The following DAPK1 variants were observed in gnomAD, a reference collection of about 807,000 sequenced individuals.
DAPK1 encodes death-associated protein kinase 1.
In DAPK1, 56 loss-of-function variants were observed where a neutral mutation model predicts 144.9. The observed-to-expected ratio is 0.39, with a 90% CI of 0.31 to 0.48. The LOEUF is 0.48. Ranked by LOEUF, DAPK1 falls within the 20% of genes least tolerant of loss-of-function variation. The pLI, the probability that DAPK1 is intolerant of heterozygous loss-of-function variation, is 0.95. For synonymous variants in DAPK1, 690 were observed against 749.0 expected (o/e 0.92, Z 1.29); for missense variants, 1,454 against 1,875.4 (o/e 0.78, Z 4.15).
chr9:87,680,653 G>GCA (rs35117625), intron 19 of DAPK1, among the ~76,000 whole-genome samples: 54,690 of 150,466 alleles, frequency 0.36, 10,786 homozygotes, highest in Middle Eastern at 0.59. Flanking sequence ...ACACACACAC[G>GCA]CGCACACACA....
intron 7 of DAPK1, 82 bp from the exon 8 acceptor site, chr9:87,640,216 C>T: frequency 7.6e-7 from 1 of 1,320,630 alleles, no homozygotes; most frequent in Admixed American, 2.2e-5. Flanking sequence ...AATCTTATTC[C>T]ACACTCCAGA....
intron 3 of DAPK1, among the ~76,000 whole-genome samples, chr9:87,630,871 A>G (rs1279781953): frequency 6.6e-6 from 1 of 152,202 alleles, no homozygotes; most frequent in Non-Finnish European, 1.5e-5. Flanking sequence ...GGAAGTAGGT[A>G]CCAGGAAATT....
Position 87,650,635 on chromosome 9 carries a change from T to C in DAPK1, c.1626+517T>C, listed in dbSNP as rs75721775. ...AAAACAAGCCTGTGATGTTGCTATA[T>C]ACGGTTAGATTTGGGATTCTGTAGT... On this transcript the variant is annotated intron_variant, in intron 16 of 25. Transcript: ENST00000408954. 19 of 169,672 alleles carry C rather than the reference T, an allele frequency of 1.1e-4. No homozygotes were observed. In the East Asian group the frequency reaches 3.3e-3, roughly 29 times the overall value. 10.5% of individuals were successfully genotyped at this position (169,672 alleles called of 1,614,324 possible).
chr9:87,542,881 T>C (rs1826104313), intron 2 of DAPK1, among the ~76,000 whole-genome samples: 1 of 152,208 alleles, frequency 6.6e-6, no homozygotes, highest in Non-Finnish European at 1.5e-5. Context: ...AGGACAGAGT[T>C]CATGGACATG....
In DAPK1 at chr9:87,498,105, C is replaced by G. The variant is rs1824246478; in HGVS notation, c.-111C>G. The stretch of plus-strand genomic sequence containing the variant: ...GGGACCGGGGGAGCTCCCAGGCGCC[C>G]GGGTGAGTAGCCAGGCGCGGCTCCC... On this transcript the variant is annotated splice_region_variant and 5_prime_UTR_variant, in exon 1 of 26. Transcript: ENST00000408954. The G allele has an allele frequency of 2.5e-6, 1 of 397,512 alleles. No individual in the cohort carries two copies. Among genetic ancestry groups the G allele is most frequent in the African/African-American group, 2.1e-5 (1 of 48,608 alleles). The allele number at this position is 397,512 out of a possible 1,614,324, so 24.6% of individuals were successfully genotyped here. A position where few individuals can be genotyped will look rare whatever the true frequency, so the allele number is the denominator to read the frequency against.
At chr9:87,517,636 C>T (rs530713336) in intron 2 of DAPK1, among the ~76,000 whole-genome samples, 66 of 152,282 alleles carry the variant, frequency 4.3e-4, no homozygotes, top group African/African-American at 1.5e-3. Flanking sequence ...TAAAGGTAAA[C>T]TGAGGAATTG....
chr9:87,503,833 T>G (rs1390812542), intron 2 of DAPK1, among the ~76,000 whole-genome samples: 1 of 152,216 alleles, frequency 6.6e-6, no homozygotes, highest in East Asian at 1.9e-4. Context: ...ACAAGATCAG[T>G]TTTAAACAAA....
intron 8 of DAPK1, 133 bp downstream of exon 8, chr9:87,640,583 A>G: frequency 8.8e-7 from 1 of 1,140,198 alleles, no homozygotes; most frequent in Non-Finnish European, 1.3e-6. Context: ...ATGCCATGTG[A>G]AACGCTTCAG....
At chr9:87,572,955 T>A (rs1827413839) in intron 2 of DAPK1, among the ~76,000 whole-genome samples, 2 of 152,186 alleles carry the variant, frequency 1.3e-5, no homozygotes, top group African/African-American at 4.8e-5. Flanking sequence ...CAAGCCTGGC[T>A]GAGATTCTGA....
At chr9:87,590,507 T>G (rs1828091995) in intron 2 of DAPK1, among the ~76,000 whole-genome samples, 1 of 152,154 alleles carries the variant, frequency 6.6e-6, no homozygotes, top group Non-Finnish European at 1.5e-5. Flanking sequence ...TTCTCAGAAC[T>G]GAACTTAAGT....
intron 18 of DAPK1, among the ~76,000 whole-genome samples, chr9:87,659,050 C>T (rs2119220864): frequency 6.6e-6 from 1 of 152,356 alleles, no homozygotes; most frequent in South Asian, 2.1e-4. Flanking sequence ...CGCCAGGTGT[C>T]AGAGCTGAGC....
intron 9 of DAPK1, 93 bp from the exon 10 acceptor site, chr9:87,641,876 C>T (rs1830108594): frequency 1.1e-6 from 1 of 930,430 alleles, no homozygotes; most frequent in South Asian, 1.6e-5. Flanking sequence ...AATGTGTAAG[C>T]ATCCTGAATA....
intron 3 of DAPK1, among the ~76,000 whole-genome samples, chr9:87,610,634 C>T (rs1332856332): frequency 6.6e-6 from 1 of 152,216 alleles, no homozygotes; most frequent in Admixed American, 6.5e-5. Flanking sequence ...CCCAAGTGCC[C>T]TTAGGGGCTA....
At chr9:87,528,659 C>T (rs1173750919) in intron 2 of DAPK1, among the ~76,000 whole-genome samples, 1 of 151,924 alleles carries the variant, frequency 6.6e-6, no homozygotes, top group Non-Finnish European at 1.5e-5. Context: ...AAATCACCTC[C>T]GACTCCTGAG....
chr9:87,695,052 C>T (rs1825208504), intron 21 of DAPK1, among the ~76,000 whole-genome samples: 1 of 150,906 alleles, frequency 6.6e-6, no homozygotes, highest in South Asian at 2.1e-4. Context: ...GTTGGGCTTC[C>T]TCTGAGCTCC....
At chr9:87,524,884 T>C (rs1157278047) in intron 2 of DAPK1, among the ~76,000 whole-genome samples, 1 of 152,030 alleles carries the variant, frequency 6.6e-6, no homozygotes, top group African/African-American at 2.4e-5. Flanking sequence ...TTTGGGGACT[T>C]AGAGGGAAAG....
intron 2 of DAPK1, among the ~76,000 whole-genome samples, chr9:87,589,413 T>C (rs1195582813): frequency 6.6e-6 from 1 of 152,134 alleles, no homozygotes; most frequent in East Asian, 1.9e-4. Context: ...TCAGCATCTT[T>C]CCCACTAAGT....
chr9:87,521,744 T>TA (rs1432729354), intron 2 of DAPK1, among the ~76,000 whole-genome samples: 1 of 152,334 alleles, frequency 6.6e-6, no homozygotes, highest in East Asian at 1.9e-4. Flanking sequence ...TTTGATGACT[T>TA]ATGGTAGTTG....
chr9:87,680,656 C>CAT (rs1491171459), intron 19 of DAPK1, among the ~76,000 whole-genome samples: 1 of 146,932 alleles, frequency 6.8e-6, no homozygotes. Context: ...CACACACGCG[C>CAT]ACACACACAC....
Sources: gnomAD v4.1 joint callset for allele counts (sites outside exome capture counted in the v4.1 genomes callset) on GRCh38, gnomAD v4.1.1 for gene constraint, MANE v1.5 for transcripts, NCBI Gene and HGNC (gene_info 2026-07-23, HGNC 2026-07-21) for gene names.